Variants in TPRG1 observed in about 807,000 individuals in gnomAD.
TPRG1 encodes tumor protein p63 regulated 1, also known as tumor protein p63-regulated gene 1 protein.
A neutral mutation model predicts 29.3 loss-of-function variants in TPRG1; 29 were observed. The observed-to-expected ratio is 0.99, with a 90% CI of 0.74 to 1.35. The LOEUF (loss-of-function observed/expected upper bound fraction) is 1.35. Among genes scored for constraint, TPRG1 ranks in the 40% most tolerant of loss-of-function variants. The pLI is 0.00. For missense variants in TPRG1, 327 were observed against 335.0 expected (o/e 0.98, Z 0.19); for synonymous variants, 130 against 116.8 (o/e 1.11, Z -0.73).
At chr3:189,228,228 A>AT (rs75758840) in intron 3 of TPRG1, among the ~76,000 whole-genome samples, 2,179 of 152,120 alleles carry the variant, frequency 0.014, 48 homozygotes, top group African/African-American at 0.049. Context: ...ATTAATTTAC[A>AT]TTTTTTTTCC....
rs1467058488 is a variant in TPRG1, at chr3:189,324,434, G to A, written c.*3614G>A. The A allele has an allele frequency of 1.1e-4, 16 of 152,210 alleles. No homozygotes were observed. The highest frequency in any genetic ancestry group is 3.3e-4 in the Admixed American group (5 of 15,266). The allele number at this position is 152,210 out of a possible 1,614,324, so 9.4% of individuals were successfully genotyped here. Reference sequence around the variant, plus strand: ...GACATGCCATCTGAATTGATGTATCGTAGTTGTTGAGATAATTTTGAAATG... The same window carrying A: ...GACATGCCATCTGAATTGATGTATCATAGTTGTTGAGATAATTTTGAAATG... On this transcript the variant is annotated 3_prime_UTR_variant, in exon 6 of 6. Coordinates refer to ENST00000345063, the MANE Select transcript of TPRG1 (RefSeq NM_198485.4).
At chr3:189,258,257 C>T (rs1453344842) in intron 4 of TPRG1, among the ~76,000 whole-genome samples, 1 of 151,972 alleles carries the variant, frequency 6.6e-6, no homozygotes, top group Admixed American at 6.6e-5. Context: ...CTAAGTCAGG[C>T]CCCTCTTCTG....
intron 3 of TPRG1, 57 bp downstream of exon 3, chr3:189,215,440 A>C: frequency 7.1e-7 from 1 of 1,401,886 alleles, no homozygotes; most frequent in Non-Finnish European, 1.0e-6. Flanking sequence ...CCTTGACATC[A>C]CTGTAGCAGA....
chr3:189,010,628 T>A (rs1450657334), intron 3 of TPRG1, among the ~76,000 whole-genome samples: 1 of 152,230 alleles, frequency 6.6e-6, no homozygotes, highest in African/African-American at 2.4e-5. Flanking sequence ...TTAATGGGGT[T>A]GTTTTTCTTT....
rs537960915 is a variant in TPRG1, at chr3:189,172,968, A to G, written c.-10+837A>G. On this transcript the variant is annotated intron_variant, in intron 1 of 5. Transcript: ENST00000345063. Reference sequence around the variant, plus strand: ...GTGGTATGTAGAAAAGCAAATCTCAATGGGGGAAAAACACCCCCAAATCCT... The same window carrying G: ...GTGGTATGTAGAAAAGCAAATCTCAGTGGGGGAAAAACACCCCCAAATCCT... 5.3e-5 allele frequency among the ~76,000 whole-genome samples: 8 copies of G among 152,310 alleles called. 1 individual carries two copies. Among genetic ancestry groups the G allele is most frequent in the African/African-American group, 2.4e-5 (1 of 41,564 alleles).
chr3:189,311,773 A>G (rs889307002), intron 5 of TPRG1, among the ~76,000 whole-genome samples: 1 of 152,138 alleles, frequency 6.6e-6, no homozygotes, highest in Non-Finnish European at 1.5e-5. Context: ...CTCCTATTTC[A>G]AATTTCTCAA....
chr3:189,240,385 G>A (rs536024688), intron 4 of TPRG1: 7 of 152,150 alleles, frequency 4.6e-5, no homozygotes, highest in East Asian at 1.9e-4. Context: ...TAAATAAATA[G>A]TCTATAAATA....
In TPRG1 at chr3:189,131,383, T is replaced by TTA. The variant is rs950632595; in HGVS notation, c.-589-1005_-589-1004dup. Among the ~76,000 whole-genome samples the TTA allele has an allele frequency of 3.3e-5, 5 of 151,994 alleles. No individual in the cohort carries two copies. The South Asian group carries it at 6.2e-4, about 19-fold the overall frequency. ...TATATACGTGTATCTATATGTGTGTTTATATATATATAGTTGTCTAGAAAA... is the reference window on the plus strand; with the variant it reads ...TATATACGTGTATCTATATGTGTGTTTATATATATATATAGTTGTCTAGAAAA... On this transcript the variant is annotated intron_variant, in intron 2 of 6. Transcript: ENST00000412373.
chr3:189,123,275 C>G (rs1248757757), intron 1 of TPRG1, among the ~76,000 whole-genome samples: 1 of 152,186 alleles, frequency 6.6e-6, no homozygotes, highest in Non-Finnish European at 1.5e-5. Flanking sequence ...GGAGAAACAT[C>G]AGTACATGTT....
intron 4 of TPRG1, among the ~76,000 whole-genome samples, chr3:189,067,149 A>G (rs1275269177): frequency 6.6e-6 from 1 of 152,178 alleles, no homozygotes; most frequent in Non-Finnish European, 1.5e-5. Context: ...AAAACTATAA[A>G]ACATTGATGC....
At chr3:189,088,301 G>GT (rs976438238) in intron 4 of TPRG1, among the ~76,000 whole-genome samples, 2 of 139,018 alleles carry the variant, frequency 1.4e-5, no homozygotes, top group Non-Finnish European at 2.9e-5. Flanking sequence ...TTGGCTCTCT[G>GT]TTTGTCTGTT....
intron 4 of TPRG1, among the ~76,000 whole-genome samples, chr3:189,292,747 T>G (rs1419065035): frequency 6.6e-6 from 1 of 152,222 alleles, no homozygotes; most frequent in Non-Finnish European, 1.5e-5. Context: ...CAAGTTATCA[T>G]AAATCTCAGT....
rs147221379 is a variant in TPRG1 at position 189,009,458 on chromosome 3, C to T, written c.-660+4698C>T. ...TTAGGGAAGGCAGATGTATTGAGAC[C>T]CTTTAAGGAGGGCCTGCGAAATTGG... On this transcript the variant is annotated intron_variant, in intron 3 of 10. Coordinates refer to the TPRG1 transcript ENST00000433971. Among the ~76,000 whole-genome samples the T allele has an allele frequency of 5.7e-3, 868 of 152,078 alleles. 8 individuals are homozygous for T. Among genetic ancestry groups the T allele is most frequent in the Non-Finnish European group, 9.0e-3 (610 of 67,980 alleles).
At chr3:189,143,594 C>CT (rs1488704093) in intron 3 of TPRG1, among the ~76,000 whole-genome samples, 9 of 152,180 alleles carry the variant, frequency 5.9e-5, no homozygotes, top group Non-Finnish European at 7.3e-5. Flanking sequence ...GAGTCAGAAT[C>CT]TTTTCCAGGT....
At chr3:189,091,483 C>T (rs1718336399) in intron 4 of TPRG1, among the ~76,000 whole-genome samples, 1 of 152,136 alleles carries the variant, frequency 6.6e-6, no homozygotes. Context: ...ACACCCTCCA[C>T]CTCTTTCCAA....
Position 189,322,979 on chromosome 3 carries a change from A to C in TPRG1, c.*2159A>C, listed in dbSNP as rs1438497539. 1.3e-5 allele frequency: 2 copies of C among 152,124 alleles called. No homozygotes were observed. Among genetic ancestry groups the C allele is most frequent in the Non-Finnish European group, 2.9e-5 (2 of 68,006 alleles). 9.4% of individuals were successfully genotyped at this position (152,124 alleles called of 1,614,324 possible). Reference sequence around the variant, plus strand: ...TTGTAAAAACTGTCATATATAGGCTATCCCCTTAATTGATAAATGGGATCT... The same window carrying C: ...TTGTAAAAACTGTCATATATAGGCTCTCCCCTTAATTGATAAATGGGATCT... On this transcript the variant is annotated 3_prime_UTR_variant, in exon 6 of 6. Transcript: ENST00000345063.
chr3:189,135,833 C>T (rs934499986), intron 3 of TPRG1, among the ~76,000 whole-genome samples: 13 of 152,104 alleles, frequency 8.5e-5, no homozygotes, highest in Non-Finnish European at 1.6e-4. Context: ...CTTGTTATTT[C>T]CTCTGCTTAG....
intron 4 of TPRG1, among the ~76,000 whole-genome samples, chr3:189,093,673 T>C (rs965058974): frequency 6.6e-6 from 1 of 152,196 alleles, no homozygotes; most frequent in Non-Finnish European, 1.5e-5. Context: ...GGATAGACAA[T>C]GGAAAGACAG....
At chr3:189,086,406 T>G (rs1688946441) in intron 4 of TPRG1, among the ~76,000 whole-genome samples, 1 of 151,850 alleles carries the variant, frequency 6.6e-6, no homozygotes, top group Non-Finnish European at 1.5e-5. Context: ...GCTCCCAGGC[T>G]GCACTGCAGT....
Sources: allele counts gnomAD v4.1 joint callset (sites outside exome capture counted in the v4.1 genomes callset), GRCh38; gene constraint gnomAD v4.1.1; transcripts MANE v1.5; gene names NCBI Gene and HGNC (gene_info 2026-07-23, HGNC 2026-07-21).